The following SERPINA3 variants were observed in gnomAD, a reference collection of about 807,000 sequenced individuals.
SERPINA3 encodes the protein alpha-1-antichymotrypsin.
A neutral mutation model predicts 26.8 loss-of-function variants in SERPINA3; 32 were observed. The observed-to-expected ratio is 1.20, with a 90% confidence interval of 0.90 to 1.61. SERPINA3 has a LOEUF of 1.61. Ranked by LOEUF, SERPINA3 falls within the 40% of genes most tolerant of loss-of-function variation. The probability of loss-of-function intolerance (pLI) is 0.00; values close to 1 mark genes in which losing one functional copy is unlikely to be tolerated. For missense variants in SERPINA3, 632 were observed against 517.9 expected (o/e 1.22, Z -2.14); for synonymous variants, 252 against 206.4 (o/e 1.22, Z -1.89).
rs573366685 is a variant in SERPINA3 at position 94,619,337 on chromosome 14, C to T, written c.786C>T (p.Thr262=). 94 of 1,614,188 alleles carry T rather than the reference C, an allele frequency of 5.8e-5. No individual in the cohort carries two copies. The highest frequency in any genetic ancestry group is 3.3e-4 in the Middle Eastern group (2 of 6,062). The change falls in exon 3 of 5, where the codon ACC becomes ACT. Residue 262 remains threonine, a synonymous_variant. Transcript: ENST00000393078. ...PYFRDEELSC[T]VVELKYTGNA... ...TCCGGGACGAGGAGCTGTCCTGCACCGTGGTGGAGCTGAAGTACACAGGCA... is the reference window on the plus strand; with the variant it reads ...TCCGGGACGAGGAGCTGTCCTGCACTGTGGTGGAGCTGAAGTACACAGGCA...
chr14:94,614,709 G>A lies in SERPINA3; in HGVS notation c.268G>A (p.Gly90Arg), dbSNP rs1566846083. The change falls in exon 2 of 5, where the codon GGG becomes AGG. Residue 90 changes from glycine (G) to arginine (R), a missense_variant. Gly to Arg is a moderately radical substitution (Grantham distance 125, BLOSUM62 -2). Coordinates refer to ENST00000393078, the MANE Select transcript of SERPINA3 (RefSeq NM_001085.5). Reference protein sequence around the residue: ...ISTALAFLSLGAHNTTLTEIL... With the variant: ...ISTALAFLSLRAHNTTLTEIL... ...CACCGCCTTGGCCTTCCTGTCTCTG[G>A]GGGCCCATAATACCACCCTGACAGA... 1 of 1,614,086 alleles carries A rather than the reference G, an allele frequency of 6.2e-7. No individual in the cohort carries two copies. The highest frequency in any genetic ancestry group is 8.5e-7 in the Non-Finnish European group (1 of 1,180,012).
intron 3 of SERPINA3, among the ~76,000 whole-genome samples, chr14:94,620,835 G>A (rs907122412): frequency 6.6e-6 from 1 of 152,202 alleles, no homozygotes; most frequent in African/African-American, 2.4e-5. Context: ...GTGGGCCCAG[G>A]GAGTGCATGT....
chr14:94,623,824 T>C lies in SERPINA3; in HGVS notation c.*10T>C. The C allele has an allele frequency of 1.2e-6, 2 of 1,611,742 alleles. No homozygotes were observed. Among genetic ancestry groups the C allele is most frequent in the Non-Finnish European group, 1.7e-6 (2 of 1,178,058 alleles). On this transcript the variant is annotated 3_prime_UTR_variant, in exon 5 of 5. Coordinates refer to ENST00000393078, the MANE Select transcript of SERPINA3 (RefSeq NM_001085.5). ...TCCCAAGCAAGCCTAGAGCTTGCCA[T>C]CAAGCAGTGGGGCTCTCAGTAAGGA...
At chr14:94,623,532 C>A (rs1886281921) in intron 4 of SERPINA3, 79 bp from the exon 5 acceptor site, 8 of 1,325,398 alleles carry the variant, frequency 6.0e-6, no homozygotes, top group South Asian at 1.2e-5. Context: ...CACATTAGAC[C>A]CCTTAGTGGC....
At chr14:94,614,117 G>A (rs1055413730) in intron 1 of SERPINA3, 1 of 372,954 alleles carries the variant, frequency 2.7e-6, no homozygotes, top group South Asian at 2.9e-5. Context: ...CTTACAGACC[G>A]AGGAGCCAGG....
At chr14:94,612,611 C>G (rs1885823304) in intron 1 of SERPINA3, among the ~76,000 whole-genome samples, 164 bp downstream of exon 1, 1 of 152,150 alleles carries the variant, frequency 6.6e-6, no homozygotes, top group Non-Finnish European at 1.5e-5. Flanking sequence ...GCCACTGATT[C>G]CCTGTGCCTT....
intron 3 of SERPINA3, among the ~76,000 whole-genome samples, chr14:94,621,645 A>G (rs940485388): frequency 6.6e-6 from 1 of 152,154 alleles, no homozygotes; most frequent in Non-Finnish European, 1.5e-5. Context: ...CTTGAGGGAC[A>G]GTGCCCACTG....
intron 2 of SERPINA3, chr14:94,615,468 T>C: frequency 4.3e-6 from 2 of 460,446 alleles, no homozygotes; most frequent in South Asian, 1.5e-5. Context: ...AGTCCCTCTG[T>C]CTGGATGCAC....
chr14:94,617,959 CT>C (rs1566847203), intron 2 of SERPINA3: 1 of 152,084 alleles, frequency 6.6e-6, no homozygotes, highest in African/African-American at 2.4e-5. Flanking sequence ...CCATTCTTAG[CT>C]TTAGGTACAC....
chr14:94,620,341 G>A (rs554898456), intron 3 of SERPINA3, among the ~76,000 whole-genome samples: 5 of 152,188 alleles, frequency 3.3e-5, no homozygotes, highest in African/African-American at 1.2e-4. Flanking sequence ...GTCTTGATCA[G>A]GGAGGATGAA....
intron 3 of SERPINA3, chr14:94,619,712 A>T: frequency 1.8e-6 from 1 of 566,732 alleles, no homozygotes; most frequent in Non-Finnish European, 3.2e-6. Flanking sequence ...AGTCATGAGA[A>T]ATCTTCTGCA....
intron 1 of SERPINA3, 45 bp from the exon 2 acceptor site, chr14:94,614,389 G>A: frequency 6.3e-7 from 1 of 1,589,246 alleles, no homozygotes; most frequent in Non-Finnish European, 8.6e-7. Context: ...AGGTGGTCGG[G>A]GCTCCATCTG....
intron 3 of SERPINA3, 34 bp from the exon 4 acceptor site, chr14:94,622,307 G>A: frequency 6.2e-7 from 1 of 1,613,176 alleles, no homozygotes; most frequent in East Asian, 2.2e-5. Flanking sequence ...CTGATCAGCA[G>A]AGGTTCAGAT....
In SERPINA3 at chr14:94,623,665, G is replaced by T; in HGVS notation, c.1123G>T (p.Ala375Ser). ...TGAGGAGGGCACAGAAGCATCTGCTGCCACAGCAGTCAAAATCACCCTCCT... is the reference window on the plus strand; with the variant it reads ...TGAGGAGGGCACAGAAGCATCTGCTTCCACAGCAGTCAAAATCACCCTCCT... The part of the protein sequence containing the change: ...VFEEGTEASA[A>S]TAVKITLLSA... Residue 375 changes from alanine to serine, a missense_variant, in exon 5 of 5, where the codon GCC becomes TCC. Coordinates refer to ENST00000393078, the MANE Select transcript of SERPINA3 (RefSeq NM_001085.5). 1 of 1,614,168 alleles carries T rather than the reference G, an allele frequency of 6.2e-7. No individual in the cohort carries two copies. Among genetic ancestry groups the T allele is most frequent in the Non-Finnish European group, 8.5e-7 (1 of 1,180,026 alleles).
rs762087153 is a variant in SERPINA3 at position 94,614,981 on chromosome 14, C to G, written c.540C>G (p.Ile180Met). 1 of 1,613,808 alleles carries G rather than the reference C, an allele frequency of 6.2e-7. No individual in the cohort carries two copies. The highest frequency in any genetic ancestry group is 8.5e-7 in the Non-Finnish European group (1 of 1,179,674). The change falls in exon 2 of 5, where the codon ATC becomes ATG. Residue 180 changes from isoleucine (I) to methionine (M), a missense_variant. Ile to Met is a conservative substitution (Grantham distance 10). Coordinates refer to ENST00000393078, the MANE Select transcript of SERPINA3 (RefSeq NM_001085.5). The stretch of plus-strand genomic sequence containing the variant: ...ACTCAGCTGCAGCTAAGAAGCTCAT[C>G]AACGACTACGTGAAGAATGGAACTA... ...FQDSAAAKKL[I>M]NDYVKNGTRG...
In SERPINA3 at chr14:94,623,958, C is replaced by T. The variant is rs1385433528; in HGVS notation, c.*144C>T. 1.0e-5 allele frequency: 8 copies of T among 762,886 alleles called. No homozygotes were observed. Among genetic ancestry groups the T allele is most frequent in the African/African-American group, 3.4e-5 (2 of 58,572 alleles). The allele number at this position is 762,886 out of a possible 1,614,324, so 47.3% of individuals were successfully genotyped here. On this transcript the variant is annotated 3_prime_UTR_variant, in exon 5 of 5. Coordinates refer to ENST00000393078, the MANE Select transcript of SERPINA3 (RefSeq NM_001085.5). ...TCTGCTTATCCTTGGAAGGTGACAG[C>T]GATTCCCTGTGTAGCTCTCACATGC...
chr14:94,614,265 A>G, intron 1 of SERPINA3, 169 bp from the exon 2 acceptor site: 1 of 646,152 alleles, frequency 1.5e-6, no homozygotes, highest in South Asian at 1.8e-5. Context: ...GGTGAAATGA[A>G]GCAGAGTGAT....
chr14:94,619,724 A>G, intron 3 of SERPINA3: 2 of 545,334 alleles, frequency 3.7e-6, no homozygotes, highest in Non-Finnish European at 6.6e-6. Flanking sequence ...TCTTCTGCAC[A>G]GTCCCAAACA....
intron 3 of SERPINA3, among the ~76,000 whole-genome samples, chr14:94,620,551 T>C (rs772049882): frequency 3.9e-5 from 6 of 152,148 alleles, no homozygotes; most frequent in Admixed American, 6.5e-5. Flanking sequence ...AGTGCTGCGA[T>C]CCGAGTGTTG....
Sources: gnomAD v4.1 joint callset for allele counts (sites outside exome capture counted in the v4.1 genomes callset) on GRCh38, gnomAD v4.1.1 for gene constraint, MANE v1.5 for transcripts, NCBI Gene and HGNC (gene_info 2026-07-23, HGNC 2026-07-21) for gene names.